NSD1: variants seen among roughly 807,000 people sequenced by gnomAD.
NSD1 encodes the protein histone-lysine N-methyltransferase, H3 lysine-36 specific.
NSD1 carries 26 observed loss-of-function variants against 242.7 expected under a neutral mutation model. That is an observed-to-expected ratio of 0.11 (90% CI 0.08 to 0.15). NSD1 has a LOEUF of 0.15. Among genes scored for constraint, NSD1 ranks in the 10% least tolerant of loss-of-function variants. The probability of loss-of-function intolerance (pLI) is 1.00; values close to 1 mark genes in which losing one functional copy is unlikely to be tolerated. For missense variants in NSD1, 2,495 were observed against 3,272.8 expected (o/e 0.76, Z 5.80); for synonymous variants, 1,106 against 1,178.1 (o/e 0.94, Z 1.25).
chr5:177,263,655 GTTATC>G (rs1232240769), intron 14 of NSD1, among the ~76,000 whole-genome samples: 1 of 152,178 alleles, frequency 6.6e-6, no homozygotes, highest in African/African-American at 2.4e-5. Flanking sequence ...CATACTGATG[GTTATC>G]TTGAGTTAAA....
intron 3 of NSD1, among the ~76,000 whole-genome samples, chr5:177,203,556 A>G (rs1327179615): frequency 6.6e-6 from 1 of 152,196 alleles, no homozygotes; most frequent in Non-Finnish European, 1.5e-5. Flanking sequence ...CCAAAACCAT[A>G]CATTATTTTG....
chr5:177,132,562 C>T (rs1755952949), upstream of NSD1, among the ~76,000 whole-genome samples: 2 of 151,838 alleles, frequency 1.3e-5, no homozygotes, highest in East Asian at 1.9e-4. This position sits in a 1 kb window ranked among gnomAD's most constrained non-coding sequence, Gnocchi z 7.5. Context: ...AGCTTCGTCC[C>T]GGCTGGGCCC....
chr5:177,235,309 A>G (rs1272725086), intron 5 of NSD1, among the ~76,000 whole-genome samples: 1 of 152,248 alleles, frequency 6.6e-6, no homozygotes, highest in African/African-American at 2.4e-5. Flanking sequence ...TGTGTAATAC[A>G]TAAATGAGTT....
chr5:177,283,773 T>C lies in NSD1; in HGVS notation c.6010-14T>C, dbSNP rs1402596595. ...CTCAGGAAGTCTGATGTGTAGCTTC[T>C]TTTGGAATTCTAGGACCGAATCATT... On this transcript the variant is annotated splice_polypyrimidine_tract_variant and intron_variant, in intron 19 of 22. Coordinates refer to ENST00000439151, the MANE Select transcript of NSD1 (RefSeq NM_022455.5). The C allele has an allele frequency of 3.1e-6, 5 of 1,613,934 alleles. No individual in the cohort carries two copies. The highest frequency in any genetic ancestry group is 2.2e-5 in the East Asian group (1 of 44,884).
At chr5:177,195,835 C>T (rs1454684942) in intron 3 of NSD1, among the ~76,000 whole-genome samples, 1 of 151,938 alleles carries the variant, frequency 6.6e-6, no homozygotes, top group Non-Finnish European at 1.5e-5. Context: ...TAGTAAATAC[C>T]TTGTATAGAT....
chr5:177,185,844 AAT>A (rs1313888506), intron 2 of NSD1, among the ~76,000 whole-genome samples: 5 of 85,970 alleles, frequency 5.8e-5, no homozygotes, highest in East Asian at 6.4e-4. Context: ...TATATATTTA[AAT>A]ATATATTATA....
At chr5:177,149,010 G>A (rs1446966236) in intron 2 of NSD1, among the ~76,000 whole-genome samples, 2 of 151,330 alleles carry the variant, frequency 1.3e-5, no homozygotes, top group African/African-American at 2.4e-5. Context: ...GTAGAGATAG[G>A]GTTTCACCAT....
rs75946745 is a variant in NSD1, at chr5:177,234,246, A to C, written c.3797-1575A>C. 1.7e-3 allele frequency among the ~76,000 whole-genome samples: 258 copies of C among 152,350 alleles called. 8 individuals carry two copies. In the East Asian group the frequency reaches 0.044, roughly 26 times the overall value. ...AAAGAGGCTCCCGTTTCTTTGTTCA[A>C]CATGGTGATAGAGCTGACATCGATC... On this transcript the variant is annotated intron_variant, in intron 5 of 22. Coordinates refer to ENST00000439151, the MANE Select transcript of NSD1 (RefSeq NM_022455.5).
intron 2 of NSD1, among the ~76,000 whole-genome samples, chr5:177,168,247 A>G (rs1335497830): frequency 2.0e-5 from 3 of 152,058 alleles, no homozygotes; most frequent in Non-Finnish European, 4.4e-5. Context: ...TAATTCCCAC[A>G]GTTTTACTTA....
At position 177,298,565 on chromosome 5, in the gene NSD1, T is replaced by G; in HGVS notation, c.*3106T>G. 1 of 233,332 alleles carries G rather than the reference T, an allele frequency of 4.3e-6. No homozygotes were observed. Among genetic ancestry groups the G allele is most frequent in the Non-Finnish European group, 8.5e-6 (1 of 118,054 alleles). 14.5% of individuals were successfully genotyped at this position (233,332 alleles called of 1,614,324 possible). On this transcript the variant is annotated 3_prime_UTR_variant, in exon 23 of 23. Transcript: ENST00000439151. ...GTCTGCTTTACCCTGTTACTGAGTTTGAGATGACTTAAATCACTGTGTTGA... is the reference window on the plus strand; with the variant it reads ...GTCTGCTTTACCCTGTTACTGAGTTGGAGATGACTTAAATCACTGTGTTGA...
rs529257441 is a variant in NSD1, at chr5:177,204,535, A to G, written c.1236+243A>G. ...CGCCTGGCTAACTTTTGTATTTAGT[A>G]GAGACAGGATTTCGCCATGTTGGCC... On this transcript the variant is annotated intron_variant, in intron 4 of 22. Transcript: ENST00000439151. Among the ~76,000 whole-genome samples the G allele has an allele frequency of 3.3e-5, 5 of 152,212 alleles. No homozygotes were observed. The East Asian group carries it at 9.7e-4, about 29-fold the overall frequency.
intron 5 of NSD1, among the ~76,000 whole-genome samples, chr5:177,235,200 A>G (rs2149882900): frequency 6.6e-6 from 1 of 152,324 alleles, no homozygotes; most frequent in South Asian, 2.1e-4. Context: ...TGAGATAATG[A>G]CACTTTTGCT....
At chr5:177,158,187 C>T (rs1758290316) in intron 2 of NSD1, among the ~76,000 whole-genome samples, 1 of 152,126 alleles carries the variant, frequency 6.6e-6, no homozygotes. Context: ...GACTGTTTTA[C>T]ATAGTGGTTG....
chr5:177,274,525 G>A (rs1758198773), intron 17 of NSD1, among the ~76,000 whole-genome samples: 1 of 152,136 alleles, frequency 6.6e-6, no homozygotes, highest in African/African-American at 2.4e-5. Context: ...TATCAGATAA[G>A]TTAGTTGCGA....
At chr5:177,157,122 CT>C (rs1758203929) in intron 2 of NSD1, among the ~76,000 whole-genome samples, 1 of 152,130 alleles carries the variant, frequency 6.6e-6, no homozygotes. Context: ...AATCCTAGCA[CT>C]TTTGGAGGCT....
intron 2 of NSD1, among the ~76,000 whole-genome samples, chr5:177,191,155 G>C (rs1343957695): frequency 1.3e-5 from 2 of 149,932 alleles, no homozygotes; most frequent in African/African-American, 4.9e-5. Flanking sequence ...ATTTTTAGTA[G>C]AACAAGGTTT....
intron 2 of NSD1, among the ~76,000 whole-genome samples, chr5:177,182,275 C>G (rs965983072): frequency 6.6e-6 from 1 of 152,100 alleles, no homozygotes; most frequent in Non-Finnish European, 1.5e-5. Context: ...TGTTTTTGTC[C>G]CACTGCATTC....
intron 16 of NSD1, among the ~76,000 whole-genome samples, chr5:177,270,247 C>G (rs1172935093): frequency 6.6e-6 from 1 of 152,142 alleles, no homozygotes; most frequent in Non-Finnish European, 1.5e-5. Context: ...TAGTAAAGGT[C>G]AAAGCATAAA....
At chr5:177,164,960 A>T (rs928361002) in intron 2 of NSD1, among the ~76,000 whole-genome samples, 1 of 151,594 alleles carries the variant, frequency 6.6e-6, no homozygotes, top group African/African-American at 2.4e-5. Context: ...AAAAAAAAAA[A>T]AGAGGTAAAA....
Sources: allele counts gnomAD v4.1 joint callset (sites outside exome capture counted in the v4.1 genomes callset), GRCh38; gene constraint gnomAD v4.1.1; non-coding constraint Gnocchi (gnomAD v3.1); transcripts MANE v1.5; gene names NCBI Gene and HGNC (gene_info 2026-07-23, HGNC 2026-07-21).